Variants in SH2B1 observed in about 807,000 individuals in gnomAD.
The protein encoded by SH2B1 is SH2B adapter protein 1.
A neutral mutation model predicts 62.6 loss-of-function variants in SH2B1; 15 were observed. That is an observed-to-expected ratio of 0.24 (90% CI 0.16 to 0.37). The LOEUF (loss-of-function observed/expected upper bound fraction) is 0.37, where lower values mean the gene tolerates loss of function less well. SH2B1 is among the 10% of genes least tolerant of loss of function. SH2B1 has a pLI of 1.00. For synonymous variants in SH2B1, 443 were observed against 438.0 expected (o/e 1.01, Z -0.14); for missense variants, 925 against 1,015.6 (o/e 0.91, Z 1.21).
At chr16:28,855,683 G>A (rs1182827304) in intron 1 of SH2B1, among the ~76,000 whole-genome samples, 5 of 148,686 alleles carry the variant, frequency 3.4e-5, no homozygotes, top group African/African-American at 7.4e-5. Context: ...TCTGTCGCCC[G>A]GGCTGGAGTG....
chr16:28,847,719 C>T (rs933894242), intron 1 of SH2B1, among the ~76,000 whole-genome samples: 7 of 151,170 alleles, frequency 4.6e-5, no homozygotes, highest in African/African-American at 1.7e-4. Flanking sequence ...CTCAGGAGGC[C>T]GAGGCAGGAG....
intron 1 of SH2B1, among the ~76,000 whole-genome samples, chr16:28,856,447 A>T (rs1962326211): frequency 6.6e-6 from 1 of 152,170 alleles, no homozygotes; most frequent in African/African-American, 2.4e-5. Flanking sequence ...TTTTATAAAT[A>T]AAGATGGGTC....
chr16:28,851,333 G>C lies in SH2B1; in HGVS notation c.-301+4506G>C, dbSNP rs1264981486. On this transcript the variant is annotated intron_variant, in intron 1 of 10. Transcript: ENST00000322610. ...ATTCTCCAAATGGAATCCCCAGTGT[G>C]ACCCCACGTTTTACTATGTCCTCTG... Among the ~76,000 whole-genome samples the C allele has an allele frequency of 3.3e-5, 5 of 151,884 alleles. No individual in the cohort carries two copies. The South Asian group carries it at 1.0e-3, about 32-fold the overall frequency.
In SH2B1 at chr16:28,873,915, T is replaced by C; in HGVS notation, c.*95T>C. ...AGAGGAGGCCGAAATCCCTCCCCCA[T>C]GCTTCCTGACCCTTGTTGGCCAAGG... On this transcript the variant is annotated 3_prime_UTR_variant, in exon 8 of 8. Coordinates refer to ENST00000684370, the MANE Select transcript of SH2B1 (RefSeq NM_001387430.1). The surrounding 1 kb of genome is among the most constrained non-coding windows in gnomAD (Gnocchi z 4.2). 1 of 1,251,836 alleles carries C rather than the reference T, an allele frequency of 8.0e-7. No individual in the cohort carries two copies. The highest frequency in any genetic ancestry group is 3.7e-5 in the Admixed American group (1 of 26,708). 77.5% of individuals were successfully genotyped at this position (1,251,836 alleles called of 1,614,324 possible).
At chr16:28,852,829 T>TAC (rs1962193487) in intron 1 of SH2B1, among the ~76,000 whole-genome samples, 5 of 27,368 alleles carry the variant, frequency 1.8e-4, no homozygotes, top group African/African-American at 8.6e-4. Flanking sequence ...CATATATATT[T>TAC]ATATATATAT....
Position 28,872,436 on chromosome 16 carries a change from C to T in SH2B1, c.1725+35C>T. ...CCTGTGGGAAAGGCTCTGTTCTGTG[C>T]ATAGTTGGCAGTGGGGTGGGGGAGC... On this transcript the variant is annotated intron_variant, in intron 6 of 7. Coordinates refer to ENST00000684370, the MANE Select transcript of SH2B1 (RefSeq NM_001387430.1). This position sits in a 1 kb window ranked among gnomAD's most constrained non-coding sequence, Gnocchi z 5.3. The T allele has an allele frequency of 6.3e-7, 1 of 1,577,454 alleles. No homozygotes were observed. The highest frequency in any genetic ancestry group is 8.6e-7 in the Non-Finnish European group (1 of 1,158,876).
chr16:28,869,765 G>A (rs965678406), intron 4 of SH2B1, among the ~76,000 whole-genome samples: 1 of 152,120 alleles, frequency 6.6e-6, no homozygotes, highest in African/African-American at 2.4e-5. Flanking sequence ...GGGCAATCAC[G>A]TTTTCTCTTG....
At position 28,850,060 on chromosome 16, in the gene SH2B1, C is replaced by T. The variant is rs994534352; in HGVS notation, c.-301+3233C>T. On this transcript the variant is annotated intron_variant, in intron 1 of 10. Coordinates refer to the SH2B1 transcript ENST00000322610. ...GAAAATTTTTTCTAGAGCTGTTGACCGTAGCATCCTCTGTATTAGTGAATG... is the reference window on the plus strand; with the variant it reads ...GAAAATTTTTTCTAGAGCTGTTGACTGTAGCATCCTCTGTATTAGTGAATG... Among the ~76,000 whole-genome samples, 5 of 152,244 alleles carry T rather than the reference C, an allele frequency of 3.3e-5. No individual in the cohort carries two copies. In the East Asian group the frequency reaches 9.6e-4, roughly 29 times the overall value.
At chr16:28,860,652 T>C (rs1037901826), upstream of SH2B1, among the ~76,000 whole-genome samples, 1 of 152,174 alleles carries the variant, frequency 6.6e-6, no homozygotes, top group African/African-American at 2.4e-5. Flanking sequence ...CAATGCCTTC[T>C]AGAGACCATG....
At chr16:28,853,906 CAGG>C (rs1962264123) in intron 1 of SH2B1, among the ~76,000 whole-genome samples, 1 of 140,856 alleles carries the variant, frequency 7.1e-6, no homozygotes, top group African/African-American at 2.7e-5. Flanking sequence ...GAGGCTGAGA[CAGG>C]AGAATGGCGT....
chr16:28,858,599 T>A (rs1962373657), intron 1 of SH2B1, among the ~76,000 whole-genome samples: 1 of 152,096 alleles, frequency 6.6e-6, no homozygotes, highest in African/African-American at 2.4e-5. Context: ...TTTTGGAAGC[T>A]CTATGCCAGG....
At chr16:28,858,179 A>G (rs1962364858) in intron 1 of SH2B1, among the ~76,000 whole-genome samples, 1 of 152,172 alleles carries the variant, frequency 6.6e-6, no homozygotes, top group Non-Finnish European at 1.5e-5. Flanking sequence ...CCCTATCCTG[A>G]AGCTACTGAG....
chr16:28,857,027 A>G (rs992889510), intron 1 of SH2B1, among the ~76,000 whole-genome samples: 7 of 152,174 alleles, frequency 4.6e-5, no homozygotes, highest in African/African-American at 1.4e-4. Flanking sequence ...TCACACCTGT[A>G]ATCCCATCAC....
Position 28,872,467 on chromosome 16 carries a change from C to A in SH2B1, c.1725+66C>A. The A allele has an allele frequency of 6.4e-7, 1 of 1,571,048 alleles. No homozygotes were observed. On this transcript the variant is annotated intron_variant, in intron 6 of 7. Coordinates refer to ENST00000684370, the MANE Select transcript of SH2B1 (RefSeq NM_001387430.1). This position sits in a 1 kb window ranked among gnomAD's most constrained non-coding sequence, Gnocchi z 5.3. The stretch of plus-strand genomic sequence containing the variant: ...TGGCAGTGGGGTGGGGGAGCACTGC[C>A]GGGGGAGGGGGTTTGTACCTGGCAG...
chr16:28,866,996 G>A lies in SH2B1; in HGVS notation c.902G>A (p.Gly301Glu), dbSNP rs751574107. 1.9e-6 allele frequency: 3 copies of A among 1,602,638 alleles called. No homozygotes were observed. Among genetic ancestry groups the A allele is most frequent in the Non-Finnish European group, 2.5e-6 (3 of 1,179,976 alleles). The stretch of plus-strand genomic sequence containing the variant: ...CTGCTTCGAAGTGAAGGAGAAGGAG[G>A]AGGAGGAAGTCGCCTGGAGTTCTTT... ...RLLLRSEGEG[G>E]GGSRLEFFVP... is the part of the protein sequence containing the mutation. Residue 301 changes from glycine (G) to glutamate (E), a missense_variant, in exon 1 of 8, where the codon GGA (glycine) becomes GAA (glutamate). This residue lies in a region of SH2B1 where 683 missense variants were observed against 704.0 expected (regional missense o/e 0.97). Coordinates refer to ENST00000684370, the MANE Select transcript of SH2B1 (RefSeq NM_001387430.1). This position sits in a 1 kb window ranked among gnomAD's most constrained non-coding sequence, Gnocchi z 6.3.
intron 1 of SH2B1, among the ~76,000 whole-genome samples, chr16:28,857,285 A>G (rs1962340279): frequency 6.6e-6 from 1 of 151,498 alleles, no homozygotes. Context: ...TGTCTCAAAA[A>G]AAAAAAAAAA....
Position 28,863,971 on chromosome 16 carries a change from C to A in SH2B1, c.-2124C>A. 7.0e-7 allele frequency: 1 copy of A among 1,434,864 alleles called. No individual in the cohort carries two copies. The highest frequency in any genetic ancestry group is 2.5e-5 in the East Asian group (1 of 39,506). 88.9% of individuals were successfully genotyped at this position (1,434,864 alleles called of 1,614,324 possible). On this transcript the variant is annotated 5_prime_UTR_variant, in exon 1 of 8. Transcript: ENST00000684370. ...GTGGGACCGGAACCGGAACCCCCCT[C>A]TTCAAGTACCTTTTCCCTCTCCGCG...
At chr16:28,863,785 G>A (rs985768063), upstream of SH2B1, 11 of 1,535,502 alleles carry the variant, frequency 7.2e-6, no homozygotes, top group East Asian at 1.7e-4. Flanking sequence ...CCCTCCCGCC[G>A]CTGTTCTCTA....
Position 28,865,145 on chromosome 16 carries a change from C to G in SH2B1, c.-950C>G, listed in dbSNP as rs1962614445. On this transcript the variant is annotated 5_prime_UTR_variant, in exon 1 of 8. Coordinates refer to ENST00000684370, the MANE Select transcript of SH2B1 (RefSeq NM_001387430.1). ...GAGGAAGGTGAAAAATCCTAGGGCC[C>G]CAGCTCTCCCTGTGATGTTTTGTTT... 1 of 985,496 alleles carries G rather than the reference C, an allele frequency of 1.0e-6. No individual in the cohort carries two copies. Among genetic ancestry groups the G allele is most frequent in the Non-Finnish European group, 1.2e-6 (1 of 829,984 alleles). 61.0% of individuals were successfully genotyped at this position (985,496 alleles called of 1,614,324 possible).
Sources: allele counts gnomAD v4.1 joint callset (sites outside exome capture counted in the v4.1 genomes callset), GRCh38; gene constraint gnomAD v4.1.1; regional missense constraint gnomAD v4.1.1; non-coding constraint Gnocchi (gnomAD v3.1); transcripts MANE v1.5; gene names NCBI Gene and HGNC (gene_info 2026-07-23, HGNC 2026-07-21).